SBF1: variants seen among roughly 807,000 people sequenced by gnomAD.
SBF1 encodes the protein myotubularin-related protein 5.
A neutral mutation model predicts 215.8 loss-of-function variants in SBF1; 65 were observed. The observed-to-expected ratio is 0.30, with a 90% confidence interval of 0.25 to 0.37. The LOEUF (loss-of-function observed/expected upper bound fraction) is 0.37, where lower values mean the gene tolerates loss of function less well. SBF1 is among the 10% of genes least tolerant of loss of function. SBF1 has a pLI of 1.00. For missense variants in SBF1, 2,634 were observed against 2,667.8 expected, an observed-to-expected ratio of 0.99 and a Z score of 0.28; for synonymous variants, 1,410 against 1,122.8, an observed-to-expected ratio of 1.26 and a Z score of -5.11.
intron 36 of SBF1, among the ~76,000 whole-genome samples, chr22:50,453,318 G>A (rs753355956): frequency 6.6e-6 from 1 of 152,210 alleles, no homozygotes; most frequent in Non-Finnish European, 1.5e-5. Flanking sequence ...AAAAGGGACT[G>A]CTGTCTGTGC....
chr22:50,471,254 T>G (rs1161008810), intron 1 of SBF1, among the ~76,000 whole-genome samples: 1 of 152,228 alleles, frequency 6.6e-6, no homozygotes, highest in African/African-American at 2.4e-5. Context: ...GCTTCTGTCC[T>G]GAAAGCCCCT....
intron 28 of SBF1, among the ~76,000 whole-genome samples, chr22:50,458,273 C>G (rs2148579565): frequency 6.7e-6 from 1 of 149,198 alleles, no homozygotes; most frequent in Middle Eastern, 3.4e-3. Context: ...CCACCGCACT[C>G]CAGCGTGGGT....
At position 50,455,241 on chromosome 22, in the gene SBF1, G is replaced by C; in HGVS notation, c.4537C>G (p.Leu1513Val). The C allele has an allele frequency of 6.2e-7, 1 of 1,613,082 alleles. No individual in the cohort carries two copies. The highest frequency in any genetic ancestry group is 8.5e-7 in the Non-Finnish European group (1 of 1,179,618). ...SGFTPVFLQF[L>V]DCVHQVHLQF... is the part of the protein sequence containing the mutation. ...CTGCCCACCTGGTGTACGCAGTCCA[G>C]GAACTGCAGGAAGACGGGTGTGAAG... is the stretch of plus-strand genomic sequence containing the variant. The change falls in exon 33 of 41, where the codon CTG (leucine) becomes GTG (valine). Residue 1513 changes from leucine (L) to valine (V), a missense_variant. Transcript: ENST00000380817.
chr22:50,454,366 T>G, intron 36 of SBF1, 146 bp downstream of exon 36: 2 of 694,866 alleles, frequency 2.9e-6, no homozygotes, highest in Non-Finnish European at 4.9e-6. Context: ...GCAGTTCACA[T>G]GGTGGGGAGA....
Position 50,447,530 on chromosome 22 carries a change from T to C in SBF1, c.5443A>G (p.Lys1815Glu). 1 of 1,606,404 alleles carries C rather than the reference T, an allele frequency of 6.2e-7. No individual in the cohort carries two copies. Among genetic ancestry groups the C allele is most frequent in the Non-Finnish European group, 8.5e-7 (1 of 1,175,654 alleles). ...ACCACCTGATCACTCACCTGGTGCT[T>C]GGTCTTGTCCAGCACGAACCAGCGG... is the stretch of plus-strand genomic sequence containing the variant. ...KARWFVLDKT[K>E]HQLRYYDHRV... is the part of the protein sequence containing the mutation. Residue 1815 changes from lysine (K) to glutamate (E), a missense_variant, in exon 39 of 41, where the codon AAG (lysine) becomes GAG (glutamate). Lys to Glu is a moderately conservative substitution (Grantham distance 56). Transcript: ENST00000380817.
intron 26 of SBF1, 127 bp downstream of exon 26, chr22:50,459,825 C>A: frequency 7.4e-7 from 1 of 1,357,356 alleles, no homozygotes; most frequent in Non-Finnish European, 1.0e-6. Context: ...TGTGGCCCGT[C>A]CCTCTGCCCG....
chr22:50,451,911 C>T (rs779306301), intron 36 of SBF1, among the ~76,000 whole-genome samples: 5 of 151,854 alleles, frequency 3.3e-5, no homozygotes, highest in Non-Finnish European at 5.9e-5. Context: ...ATTCTCCTGC[C>T]TCAGCCTCCT....
chr22:50,455,341 C>T lies in SBF1; in HGVS notation c.4437G>A (p.Val1479=), dbSNP rs1381685044. 2.5e-6 allele frequency: 4 copies of T among 1,613,488 alleles called. No individual in the cohort carries two copies. Among genetic ancestry groups the T allele is most frequent in the African/African-American group, 1.3e-5 (1 of 74,934 alleles). ...GGCCGAAGGACAGCCACTCCTTCTC[C>T]ACCAGCAGGCGAAAGCCCTCCAGCG... ...YRTLEGFRLL[V]EKEWLSFGHR... is the part of the protein sequence containing the mutation. Residue 1479 remains valine (V), a synonymous_variant, in exon 33 of 41, where the codon GTG becomes GTA. Coordinates refer to ENST00000380817, the MANE Select transcript of SBF1 (RefSeq NM_002972.4).
At chr22:50,457,946 G>C (rs1424688877) in intron 28 of SBF1, among the ~76,000 whole-genome samples, 1 of 152,238 alleles carries the variant, frequency 6.6e-6, no homozygotes, top group Non-Finnish European at 1.5e-5. Flanking sequence ...CCAGCTCACA[G>C]TGAGGACGCA....
At chr22:50,454,275 G>A (rs1452767437) in intron 36 of SBF1, among the ~76,000 whole-genome samples, 2 of 152,158 alleles carry the variant, frequency 1.3e-5, no homozygotes, top group Non-Finnish European at 2.9e-5. Flanking sequence ...GGTCTCTGAT[G>A]ACGGCCCTCC....
intron 5 of SBF1, chr22:50,467,126 G>A (rs930745774): frequency 1.7e-6 from 1 of 599,394 alleles, no homozygotes; most frequent in Non-Finnish European, 3.0e-6. Context: ...CAAAGGAGTG[G>A]ACAGAGAGGC....
At position 50,467,935 on chromosome 22, in the gene SBF1, G is replaced by T. The variant is rs759215765; in HGVS notation, c.142-12C>A. 6.2e-7 allele frequency: 1 copy of T among 1,613,274 alleles called. No homozygotes were observed. The highest frequency in any genetic ancestry group is 1.7e-5 in the Admixed American group (1 of 59,952). The stretch of plus-strand genomic sequence containing the variant: ...CTGGGCTGGCAAAACTGCAGGGAAG[G>T]CTCAGCAGTCAGCTCCTCCCCCTAC... On this transcript the variant is annotated splice_polypyrimidine_tract_variant and intron_variant, in intron 2 of 40. Coordinates refer to ENST00000380817, the MANE Select transcript of SBF1 (RefSeq NM_002972.4).
At position 50,463,515 on chromosome 22, in the gene SBF1, A is replaced by G. The variant is rs572095889; in HGVS notation, c.1750-83T>C. ...CTGGCAGGGAGGGCAGCAGGTGTCC[A>G]GGAGACCCAAATGCCTTTCAGGTGG... On this transcript the variant is annotated intron_variant, in intron 15 of 40. Coordinates refer to ENST00000380817, the MANE Select transcript of SBF1 (RefSeq NM_002972.4). 59 of 1,420,920 alleles carry G rather than the reference A, an allele frequency of 4.2e-5. No homozygotes were observed. In the African/African-American group the frequency reaches 7.7e-4, roughly 19 times the overall value. 88.0% of individuals were successfully genotyped at this position (1,420,920 alleles called of 1,614,324 possible).
rs1049842841 is a variant in SBF1 at position 50,459,892 on chromosome 22, G to C, written c.3491+60C>G. The C allele has an allele frequency of 3.8e-6, 6 of 1,571,514 alleles. No individual in the cohort carries two copies. In the Admixed American group the frequency reaches 1.0e-4, roughly 26 times the overall value. ...AGAAGCCGTGGCCCAGGCCCACAGCGGGCAGGGAAGACACCCAGTCACGTG... is the reference window on the plus strand; with the variant it reads ...AGAAGCCGTGGCCCAGGCCCACAGCCGGCAGGGAAGACACCCAGTCACGTG... On this transcript the variant is annotated intron_variant, in intron 26 of 40. Transcript: ENST00000380817.
rs2148607419 is a variant in SBF1 at position 50,468,435 on chromosome 22, G to A, written c.82C>T (p.Leu28=). The change falls in exon 2 of 41, where the codon CTG becomes TTG. Residue 28 remains leucine, a synonymous_variant. Coordinates refer to ENST00000380817, the MANE Select transcript of SBF1 (RefSeq NM_002972.4). ...CAGTCCTTCTCTGGGAAGCGCTGCA[G>A]AATCTGGCCCTGGCCTTCCCCACTC... ...RGSGEGQGQI[L]QRFPEKDWED... is the part of the protein sequence containing the mutation. 1 of 1,611,418 alleles carries A rather than the reference G, an allele frequency of 6.2e-7. No individual in the cohort carries two copies. The highest frequency in any genetic ancestry group is 8.5e-7 in the Non-Finnish European group (1 of 1,178,646).
In SBF1 at chr22:50,455,548, A is replaced by T. The variant is rs751088138; in HGVS notation, c.4301T>A (p.Val1434Glu). Reference protein sequence around the residue: ...HKLLQVSVLVVELLDSGSSVL... With the variant: ...HKLLQVSVLVEELLDSGSSVL... The stretch of plus-strand genomic sequence containing the variant: ...GGAGGAGCCTGAATCCAGGAGCTCC[A>T]CCACCAGCACAGACACCTGCAGCAG... Residue 1434 changes from valine (V) to glutamate (E), a missense_variant, in exon 32 of 41, where the codon GTG becomes GAG. Transcript: ENST00000380817. 4.3e-5 allele frequency: 69 copies of T among 1,592,904 alleles called. No individual in the cohort carries two copies. Among genetic ancestry groups the T allele is most frequent in the Non-Finnish European group, 8.5e-7 (1 of 1,170,056 alleles).
chr22:50,472,550 G>A (rs532497000), intron 1 of SBF1, among the ~76,000 whole-genome samples: 20 of 152,300 alleles, frequency 1.3e-4, no homozygotes, highest in Admixed American at 2.6e-4. Context: ...AGGGCCTCCT[G>A]TGTGCTACTG....
At position 50,455,536 on chromosome 22, in the gene SBF1, T is replaced by A; in HGVS notation, c.4313A>T (p.Asp1438Val). ...QVSVLVVELL[D>V]SGSSVLVGLE... is the part of the protein sequence containing the mutation. ...GCCCACCAGCACGGAGGAGCCTGAA[T>A]CCAGGAGCTCCACCACCAGCACAGA... Residue 1438 changes from aspartate to valine, a missense_variant, in exon 32 of 41, where the codon GAT becomes GTT. Transcript: ENST00000380817. The A allele has an allele frequency of 6.3e-7, 1 of 1,596,932 alleles. No homozygotes were observed. The highest frequency in any genetic ancestry group is 8.5e-7 in the Non-Finnish European group (1 of 1,172,144).
At chr22:50,464,102 G>T (rs1170157459) in intron 15 of SBF1, among the ~76,000 whole-genome samples, 2 of 152,230 alleles carry the variant, frequency 1.3e-5, no homozygotes, top group Non-Finnish European at 2.9e-5. Flanking sequence ...AAAAATGGAA[G>T]TACATCTCCC....
Sources: allele counts gnomAD v4.1 joint callset (sites outside exome capture counted in the v4.1 genomes callset), GRCh38; gene constraint gnomAD v4.1.1; transcripts MANE v1.5; gene names NCBI Gene and HGNC (gene_info 2026-07-23, HGNC 2026-07-21).